Variants in PAMR1 observed in about 807,000 individuals in gnomAD.
PAMR1 encodes inactive serine protease PAMR1.
Under a neutral mutation model 81.8 loss-of-function variants are expected in PAMR1, and 88 were observed. The observed-to-expected ratio is 1.08, with a 90% confidence interval of 0.91 to 1.28. The LOEUF is 1.28. PAMR1 is among the 50% of genes most tolerant of loss of function. PAMR1 has a pLI of 0.00. For synonymous variants in PAMR1, 336 were observed against 345.3 expected (o/e 0.97, Z 0.30); for missense variants, 935 against 919.7 (o/e 1.02, Z -0.21).
intron 1 of PAMR1, among the ~76,000 whole-genome samples, chr11:35,508,949 T>C (rs1409784342): frequency 6.6e-6 from 1 of 152,210 alleles, no homozygotes; most frequent in African/African-American, 2.4e-5. Flanking sequence ...AGTCTACCAT[T>C]GATGGGCATT....
At position 35,492,127 on chromosome 11, in the gene PAMR1, C is replaced by G; in HGVS notation, c.297G>C (p.Trp99Cys). Residue 99 changes from tryptophan (W) to cysteine (C), a missense_variant, in exon 3 of 11, where the codon TGG (tryptophan) becomes TGC (cysteine). Physicochemically the swap from Trp to Cys is radical, Grantham distance 215. Coordinates refer to ENST00000619888, the MANE Select transcript of PAMR1 (RefSeq NM_001001991.3). The part of the protein sequence containing the change: ...ENCKSCRNGS[W>C]GGTLDDFYVK... ...CATAGAAGTCATCCAAGGTACCCCC[C>G]CATGAGCCATTTCGGCAGCTCTTGC... 6.2e-7 allele frequency: 1 copy of G among 1,614,138 alleles called. No individual in the cohort carries two copies. The highest frequency in any genetic ancestry group is 1.1e-5 in the South Asian group (1 of 91,072).
chr11:35,445,254 G>A (rs531417231), intron 6 of PAMR1, among the ~76,000 whole-genome samples: 27 of 152,282 alleles, frequency 1.8e-4, no homozygotes, highest in African/African-American at 6.5e-4. Flanking sequence ...AGACGATGGG[G>A]TTTTCTAGAT....
At chr11:35,492,581 T>C (rs748687666) in intron 2 of PAMR1, among the ~76,000 whole-genome samples, 1 of 152,228 alleles carries the variant, frequency 6.6e-6, no homozygotes, top group Non-Finnish European at 1.5e-5. Context: ...TTGCTAACAG[T>C]CTTTCTCTGC....
chr11:35,498,568 T>C (rs1364365514), intron 1 of PAMR1, among the ~76,000 whole-genome samples: 1 of 152,238 alleles, frequency 6.6e-6, no homozygotes, highest in Admixed American at 6.5e-5. Context: ...TATGGTTTTT[T>C]ACGTATGTCA....
intron 1 of PAMR1, among the ~76,000 whole-genome samples, chr11:35,516,902 TCAAA>T (rs1277356353): frequency 6.6e-6 from 1 of 151,812 alleles, no homozygotes; most frequent in Non-Finnish European, 1.5e-5. Flanking sequence ...AGGGGGCAGC[TCAAA>T]CAAATAATCG....
chr11:35,438,547 C>T (rs192735717), intron 8 of PAMR1, among the ~76,000 whole-genome samples: 1 of 152,184 alleles, frequency 6.6e-6, no homozygotes, highest in Non-Finnish European at 1.5e-5. Context: ...AGGTCTTGAA[C>T]CTTTGTTTGT....
At chr11:35,515,366 G>C (rs1247392257) in intron 1 of PAMR1, among the ~76,000 whole-genome samples, 1 of 152,240 alleles carries the variant, frequency 6.6e-6, no homozygotes, top group Admixed American at 6.5e-5. Context: ...CAGATGTCAA[G>C]TGTAGAAATA....
chr11:35,466,188 G>A (rs1243323342), intron 6 of PAMR1, among the ~76,000 whole-genome samples: 3 of 151,674 alleles, frequency 2.0e-5, no homozygotes, highest in Admixed American at 6.6e-5. Context: ...ATCTAGAATC[G>A]CTCTACATAC....
At chr11:35,482,170 CTTTATA>C (rs1850407732) in intron 3 of PAMR1, among the ~76,000 whole-genome samples, 1 of 152,040 alleles carries the variant, frequency 6.6e-6, no homozygotes, top group Admixed American at 6.6e-5. Flanking sequence ...TAGTTTTGGG[CTTTATA>C]TTTAAGTATT....
At chr11:35,433,200 C>A (rs549808937) in intron 10 of PAMR1, among the ~76,000 whole-genome samples, 2 of 152,200 alleles carry the variant, frequency 1.3e-5, no homozygotes, top group Non-Finnish European at 2.9e-5. Flanking sequence ...ATGGGACCAG[C>A]ATTCTAGTTT....
chr11:35,475,892 C>T (rs1292407092), intron 3 of PAMR1, among the ~76,000 whole-genome samples: 2 of 152,224 alleles, frequency 1.3e-5, no homozygotes, highest in Non-Finnish European at 2.9e-5. Context: ...TTTACCTTCC[C>T]TATTTCTATA....
chr11:35,449,620 C>T (rs1489286646), intron 6 of PAMR1, among the ~76,000 whole-genome samples: 1 of 152,230 alleles, frequency 6.6e-6, no homozygotes, highest in Non-Finnish European at 1.5e-5. Flanking sequence ...CTCCCCTCCC[C>T]CTGGGAACTT....
chr11:35,464,672 C>T (rs1165741257), intron 6 of PAMR1, among the ~76,000 whole-genome samples: 1 of 152,128 alleles, frequency 6.6e-6, no homozygotes, highest in Non-Finnish European at 1.5e-5. Context: ...CTTAGGTTTG[C>T]ATACCGCAGA....
At chr11:35,442,931 T>G (rs947252297) in intron 6 of PAMR1, among the ~76,000 whole-genome samples, 3 of 152,050 alleles carry the variant, frequency 2.0e-5, no homozygotes, top group Non-Finnish European at 4.4e-5. Flanking sequence ...TATAAATAAT[T>G]TCAACTTTTA....
chr11:35,500,962 TGA>T (rs1429908442), intron 1 of PAMR1, among the ~76,000 whole-genome samples: 1 of 152,136 alleles, frequency 6.6e-6, no homozygotes, highest in Non-Finnish European at 1.5e-5. Flanking sequence ...TTGCTCTGGG[TGA>T]GTCAGTGAGT....
At chr11:35,436,280 T>A in intron 8 of PAMR1, 145 bp from the exon 9 acceptor site, 1 of 613,224 alleles carries the variant, frequency 1.6e-6, no homozygotes, top group East Asian at 2.8e-5. Context: ...TATCTCTCTC[T>A]CTGTCTGTCT....
intron 3 of PAMR1, among the ~76,000 whole-genome samples, chr11:35,484,497 T>C (rs1431868122): frequency 6.6e-6 from 1 of 152,226 alleles, no homozygotes; most frequent in Non-Finnish European, 1.5e-5. Context: ...CACAGCTTTG[T>C]AAGCCTTCTC....
intron 3 of PAMR1, among the ~76,000 whole-genome samples, chr11:35,485,860 G>A (rs1365203557): frequency 1.3e-5 from 2 of 152,168 alleles, no homozygotes; most frequent in Non-Finnish European, 2.9e-5. Flanking sequence ...GGATAACGTT[G>A]TCTGAAAGGA....
intron 2 of PAMR1, among the ~76,000 whole-genome samples, chr11:35,492,870 G>C (rs1850656552): frequency 1.3e-5 from 2 of 152,198 alleles, no homozygotes; most frequent in African/African-American, 2.4e-5. Flanking sequence ...GGGGGGTCGT[G>C]AGAAAAAGTA....
Sources: gnomAD v4.1 joint callset for allele counts (sites outside exome capture counted in the v4.1 genomes callset) on GRCh38, gnomAD v4.1.1 for gene constraint, MANE v1.5 for transcripts, NCBI Gene and HGNC (gene_info 2026-07-23, HGNC 2026-07-21) for gene names.